The following COL24A1 variants were observed in gnomAD, a reference collection of about 807,000 sequenced individuals.
COL24A1 encodes the protein collagen alpha-1(XXIV) chain.
Under a neutral mutation model 253.9 loss-of-function variants are expected in COL24A1, and 224 were observed. The ratio of observed to expected loss-of-function variants is 0.88; its 90% CI spans 0.79 to 0.99. COL24A1 has a LOEUF of 0.99. Among genes scored for constraint, COL24A1 ranks in the 50% least tolerant of loss-of-function variants. The pLI, the probability that COL24A1 is intolerant of heterozygous loss-of-function variation, is 0.00. For synonymous variants in COL24A1, 685 were observed against 673.7 expected (o/e 1.02, Z -0.26); for missense variants, 2,131 against 2,068.5 (o/e 1.03, Z -0.59).
intron 47 of COL24A1, among the ~76,000 whole-genome samples, chr1:85,809,609 A>C (rs1365487408): frequency 6.6e-6 from 1 of 152,024 alleles, no homozygotes; most frequent in Non-Finnish European, 1.5e-5. Context: ...GCACTGACTG[A>C]CCATCACAAT....
chr1:85,735,676 A>G (rs1372659458), intron 58 of COL24A1, among the ~76,000 whole-genome samples: 2 of 152,098 alleles, frequency 1.3e-5, no homozygotes, highest in African/African-American at 4.8e-5. Context: ...ATAGGACAAT[A>G]TCAGACTTAA....
chr1:86,008,568 A>G (rs899409654), intron 19 of COL24A1, among the ~76,000 whole-genome samples: 1 of 152,180 alleles, frequency 6.6e-6, no homozygotes, highest in Non-Finnish European at 1.5e-5. Flanking sequence ...GAATCACTAT[A>G]ATGTTTCCAC....
intron 12 of COL24A1, among the ~76,000 whole-genome samples, chr1:86,040,112 G>A (rs1699347339): frequency 6.6e-6 from 1 of 151,984 alleles, no homozygotes; most frequent in African/African-American, 2.4e-5. Flanking sequence ...ACCACGTTGT[G>A]TCCTTTTTCT....
chr1:85,867,757 CT>C (rs34314201), intron 37 of COL24A1, among the ~76,000 whole-genome samples: 2 of 152,104 alleles, frequency 1.3e-5, no homozygotes, highest in South Asian at 4.2e-4. Context: ...CTCTCTCTCT[CT>C]TTTTGAGATG....
In COL24A1 at chr1:85,909,808, T is replaced by G. The variant is rs551777563; in HGVS notation, c.2670+142A>C. 13 of 741,562 alleles carry G rather than the reference T, an allele frequency of 1.8e-5. No homozygotes were observed. In the Admixed American group the frequency reaches 2.0e-4, roughly 11 times the overall value. 45.9% of individuals were successfully genotyped at this position (741,562 alleles called of 1,614,324 possible). ...TAGTATCACATAGCATTCTGGGAGA[T>G]AAACCATTTAAAAATAAAATTCTAT... is the stretch of plus-strand genomic sequence containing the variant. On this transcript the variant is annotated intron_variant, in intron 26 of 59. Transcript: ENST00000370571.
At chr1:85,820,819 CTGTT>C in intron 45 of COL24A1, among the ~76,000 whole-genome samples, 1 of 152,288 alleles carries the variant, frequency 6.6e-6, no homozygotes, top group East Asian at 1.9e-4. Flanking sequence ...TGAAAGGCTT[CTGTT>C]CATTGGGACT....
rs2102184054 is a variant in COL24A1 at position 86,115,261 on chromosome 1, G to GA, written c.1545+63dup. 2.6e-6 allele frequency: 4 copies of GA among 1,544,628 alleles called. No individual in the cohort carries two copies. In the South Asian group the frequency reaches 3.4e-5, roughly 13 times the overall value. The stretch of plus-strand genomic sequence containing the variant: ...AGGAAGTACATACTGTACAATACTA[G>GA]AAAAAACATGTTAGAAAGTTACAAA... On this transcript the variant is annotated intron_variant, in intron 4 of 59. Transcript: ENST00000370571.
At chr1:86,057,115 T>G (rs868578028) in intron 10 of COL24A1, among the ~76,000 whole-genome samples, 1 of 152,122 alleles carries the variant, frequency 6.6e-6, no homozygotes, top group South Asian at 2.1e-4. Flanking sequence ...GGATCCCTCG[T>G]GGATGGTTTA....
intron 12 of COL24A1, among the ~76,000 whole-genome samples, chr1:86,035,729 T>A (rs546068092): frequency 6.6e-6 from 1 of 152,258 alleles, no homozygotes; most frequent in South Asian, 2.1e-4. Flanking sequence ...GTATGTGAAT[T>A]ATATCTCAAT....
intron 43 of COL24A1, among the ~76,000 whole-genome samples, chr1:85,831,299 G>A (rs370962891): frequency 7.9e-5 from 12 of 152,166 alleles, no homozygotes; most frequent in African/African-American, 2.9e-4. Context: ...TGGAGGTGAA[G>A]TAAGAGTGAG....
At chr1:85,984,720 A>G (rs1052185352) in intron 20 of COL24A1, among the ~76,000 whole-genome samples, 1 of 151,744 alleles carries the variant, frequency 6.6e-6, no homozygotes, top group African/African-American at 2.4e-5. Flanking sequence ...TTTACCGCGA[A>G]CTATTAATTA....
rs758615097 is a variant in COL24A1, at chr1:85,895,849, AT to A, written c.2922+8del. 1 of 1,602,394 alleles carries A rather than the reference AT, an allele frequency of 6.2e-7. No individual in the cohort carries two copies. Among genetic ancestry groups the A allele is most frequent in the African/African-American group, 1.3e-5 (1 of 74,554 alleles). On this transcript the variant is annotated splice_region_variant and intron_variant, in intron 31 of 59. Coordinates refer to ENST00000370571, the MANE Select transcript of COL24A1 (RefSeq NM_152890.7). ...AATTTTTCATAGCATGATTTTTTAA[AT>A]TACTTACTGGTTTCCCTTGAAATCC...
rs574479815 is a variant in COL24A1, at chr1:86,079,453, G to A, written c.1707+9721C>T. Reference sequence around the variant, plus strand: ...CCAGCCAAAGCAAAAATGAACAAATGGGATTGCATCAAGTTAAAAAGTTTC... The same window carrying A: ...CCAGCCAAAGCAAAAATGAACAAATAGGATTGCATCAAGTTAAAAAGTTTC... On this transcript the variant is annotated intron_variant, in intron 7 of 59. Coordinates refer to ENST00000370571, the MANE Select transcript of COL24A1 (RefSeq NM_152890.7). 4.6e-5 allele frequency among the ~76,000 whole-genome samples: 7 copies of A among 152,148 alleles called. No homozygotes were observed. In the East Asian group the frequency reaches 9.6e-4, roughly 21 times the overall value.
intron 24 of COL24A1, among the ~76,000 whole-genome samples, chr1:85,916,737 T>C (rs1009579904): frequency 6.6e-6 from 1 of 152,144 alleles, no homozygotes; most frequent in African/African-American, 2.4e-5. Context: ...AATCTGATAA[T>C]ACCACAAGTG....
At chr1:86,141,364 G>A (rs749353625) in intron 2 of COL24A1, among the ~76,000 whole-genome samples, 4 of 152,184 alleles carry the variant, frequency 2.6e-5, no homozygotes, top group Non-Finnish European at 5.9e-5. Flanking sequence ...GGAGACCAAA[G>A]GTTAATGACA....
At position 86,132,299 on chromosome 1, in the gene COL24A1, C is replaced by A. The variant is rs1372942671; in HGVS notation, c.122-6085G>T. 2.0e-5 allele frequency among the ~76,000 whole-genome samples: 3 copies of A among 152,046 alleles called. No homozygotes were observed. The South Asian group carries it at 6.3e-4, about 32-fold the overall frequency. On this transcript the variant is annotated intron_variant, in intron 2 of 59. Transcript: ENST00000370571. Reference sequence around the variant, plus strand: ...CAGATGAGTAGATTGCAAAAATTTTCTCCCATTCTGTAGGTTGCCTGTTCA... The same window carrying A: ...CAGATGAGTAGATTGCAAAAATTTTATCCCATTCTGTAGGTTGCCTGTTCA...
chr1:85,785,949 ACG>A (rs1669639099), intron 48 of COL24A1, among the ~76,000 whole-genome samples: 1 of 152,224 alleles, frequency 6.6e-6, no homozygotes, highest in Non-Finnish European at 1.5e-5. Flanking sequence ...AACAGTCTGT[ACG>A]GTTATCAGAT....
intron 19 of COL24A1, among the ~76,000 whole-genome samples, chr1:85,994,170 GC>G (rs1694552863): frequency 6.6e-6 from 1 of 151,480 alleles, no homozygotes; most frequent in South Asian, 2.1e-4. Flanking sequence ...GATGAATATA[GC>G]CCTTGGAAAA....
At position 85,997,039 on chromosome 1, in the gene COL24A1, A is replaced by ATGTGTGTG. The variant is rs1491173763; in HGVS notation, c.2311-9386_2311-9385insCACACACA. Among the ~76,000 whole-genome samples, 47 of 48,434 alleles carry ATGTGTGTG rather than the reference A, an allele frequency of 9.7e-4. 1 individual carries two copies. Among genetic ancestry groups the ATGTGTGTG allele is most frequent in the Middle Eastern group, 8.3e-3 (1 of 120 alleles). 31.8% of individuals were successfully genotyped at this position (48,434 alleles called of 152,430 possible). A position where few individuals can be genotyped will look rare whatever the true frequency, so the allele number is the denominator to read the frequency against. ...TATATGTGTGTGTGTATATATATATATATGTGTGTGTGTGTGTATATATAT... is the reference window on the plus strand; with the variant it reads ...TATATGTGTGTGTGTATATATATATATGTGTGTGTATGTGTGTGTGTGTGTATATATAT... On this transcript the variant is annotated intron_variant, in intron 19 of 59. Coordinates refer to ENST00000370571, the MANE Select transcript of COL24A1 (RefSeq NM_152890.7).
Sources: gnomAD v4.1 joint callset for allele counts (sites outside exome capture counted in the v4.1 genomes callset) on GRCh38, gnomAD v4.1.1 for gene constraint, MANE v1.5 for transcripts, NCBI Gene and HGNC (gene_info 2026-07-23, HGNC 2026-07-21) for gene names.